The following MFN1 variants were observed in gnomAD, a reference collection of about 807,000 sequenced individuals.
The protein encoded by MFN1 is mitofusin-1.
A neutral mutation model predicts 92.4 loss-of-function variants in MFN1; 65 were observed. The ratio of observed to expected loss-of-function variants is 0.70; its 90% CI spans 0.58 to 0.86. The LOEUF is 0.86. Among genes scored for constraint, MFN1 ranks in the 40% least tolerant of loss-of-function variants. The pLI, the probability that MFN1 is intolerant of heterozygous loss-of-function variation, is 0.00. For synonymous variants in MFN1, 297 were observed against 300.9 expected, an observed-to-expected ratio of 0.99 and a Z score of 0.13; for missense variants, 781 against 868.0, an observed-to-expected ratio of 0.90 and a Z score of 1.26.
At position 179,348,685 on chromosome 3, in the gene MFN1, A is replaced by C. The variant is rs1712017053; in HGVS notation, c.-7-160A>C. 6 of 1,080,630 alleles carry C rather than the reference A, an allele frequency of 5.6e-6. No homozygotes were observed. In the East Asian group the frequency reaches 1.7e-4, roughly 30 times the overall value. The allele number at this position is 1,080,630 out of a possible 1,614,324, so 66.9% of individuals were successfully genotyped here. A position where few individuals can be genotyped will look rare whatever the true frequency, so the allele number is the denominator to read the frequency against. On this transcript the variant is annotated intron_variant, in intron 1 of 17. Transcript: ENST00000471841. ...GAAATATCATTCAAAAGTCGTCTCT[A>C]ACTGTCTGACTAGAACACTCCCAAA...
Position 179,365,225 on chromosome 3 carries a change from C to G in MFN1, c.753C>G (p.Asp251Glu). 6.7e-7 allele frequency: 1 copy of G among 1,501,802 alleles called. No individual in the cohort carries two copies. The highest frequency in any genetic ancestry group is 1.3e-5 in the South Asian group (1 of 75,754). The allele number at this position is 1,501,802 out of a possible 1,614,324, so 93.0% of individuals were successfully genotyped here. A position where few individuals can be genotyped will look rare whatever the true frequency, so the allele number is the denominator to read the frequency against. ...ASASEPEYME[D>E]VRRQHMERCL... ...CATCAGAGCCAGAATATATGGAAGA[C>G]GTAAGTTGTTATTTTTTTTTTTGTA... is the stretch of plus-strand genomic sequence containing the variant. The change falls in exon 7 of 18, where the codon GAC (aspartate) becomes GAG (glutamate). Residue 251 changes from aspartate (D) to glutamate (E), a missense_variant and splice_region_variant. Asp to Glu is a conservative substitution (Grantham distance 45, BLOSUM62 2). Transcript: ENST00000471841.
At chr3:179,368,336 TTTA>T (rs1246655579) in intron 9 of MFN1, among the ~76,000 whole-genome samples, 2 of 152,164 alleles carry the variant, frequency 1.3e-5, no homozygotes, top group Admixed American at 6.5e-5. Context: ...TTTTATGTAT[TTTA>T]TATAAATAAG....
At position 179,362,431 on chromosome 3, in the gene MFN1, G is replaced by A; in HGVS notation, c.485G>A (p.Trp162Ter). 6.2e-7 allele frequency: 1 copy of A among 1,613,672 alleles called. No individual in the cohort carries two copies. The highest frequency in any genetic ancestry group is 8.5e-7 in the Non-Finnish European group (1 of 1,179,922). ...GCTGGCTGTCTTGTACGTGTGTTTT[G>A]GCCAAAAGCAAAATGTGCCCTCTTG... Reference protein sequence around the residue: ...LKAGCLVRVFWPKAKCALLRD... With the variant: ...LKAGCLVRVF Residue 162 changes from tryptophan to a stop codon, truncating the protein, a stop_gained, in exon 5 of 18, where the codon TGG becomes TAG. Coordinates refer to ENST00000471841, the MANE Select transcript of MFN1 (RefSeq NM_033540.3). LOFTEE classifies it high-confidence loss of function.
intron 9 of MFN1, among the ~76,000 whole-genome samples, chr3:179,371,899 A>G (rs974809385): frequency 6.6e-6 from 1 of 151,866 alleles, no homozygotes; most frequent in South Asian, 2.1e-4. Context: ...TGTGTTAGGT[A>G]ACAAGCTTGT....
intron 9 of MFN1, among the ~76,000 whole-genome samples, chr3:179,374,302 A>AAT (rs1713136052): frequency 1.5e-5 from 1 of 68,074 alleles, no homozygotes. Flanking sequence ...GACTGTCAAA[A>AAT]ATATATATAT....
intron 3 of MFN1, among the ~76,000 whole-genome samples, chr3:179,357,989 C>T (rs184325134): frequency 2.6e-5 from 4 of 152,166 alleles, no homozygotes; most frequent in Non-Finnish European, 5.9e-5. Flanking sequence ...CTACTCAGAG[C>T]TCTCCATTTA....
At chr3:179,372,853 G>A (rs1419524276) in intron 9 of MFN1, among the ~76,000 whole-genome samples, 1 of 151,980 alleles carries the variant, frequency 6.6e-6, no homozygotes, top group Non-Finnish European at 1.5e-5. Context: ...TTTTGCAGAA[G>A]TTAATTTGAC....
chr3:179,358,458 C>G (rs1296668165), intron 3 of MFN1, among the ~76,000 whole-genome samples: 1 of 152,124 alleles, frequency 6.6e-6, no homozygotes, highest in Non-Finnish European at 1.5e-5. Context: ...TGGCCACCCA[C>G]TGTCACTTCT....
At position 179,393,756 on chromosome 3, in the gene MFN1, C is replaced by G. The variant is rs765049498; in HGVS notation, c.*1697C>G. 6.6e-6 allele frequency: 1 copy of G among 152,186 alleles called. No homozygotes were observed. Among genetic ancestry groups the G allele is most frequent in the Non-Finnish European group, 1.5e-5 (1 of 68,042 alleles). The allele number at this position is 152,186 out of a possible 1,614,324, so 9.4% of individuals were successfully genotyped here. On this transcript the variant is annotated 3_prime_UTR_variant, in exon 18 of 18. Transcript: ENST00000471841. Reference sequence around the variant, plus strand: ...AGGTTACAAAACTCAAGGCTGTAACCTTTATATGAAAGTACTTAAGCTTGA... The same window carrying G: ...AGGTTACAAAACTCAAGGCTGTAACGTTTATATGAAAGTACTTAAGCTTGA...
At chr3:179,348,822 T>A in intron 1 of MFN1, 23 bp from the exon 2 acceptor site, 1 of 1,605,184 alleles carries the variant, frequency 6.2e-7, no homozygotes, top group Non-Finnish European at 8.5e-7. Context: ...AGTTGGTGCT[T>A]TTCTAACTTT....
intron 9 of MFN1, among the ~76,000 whole-genome samples, chr3:179,371,057 A>G (rs1019966834): frequency 6.6e-6 from 1 of 152,164 alleles, no homozygotes; most frequent in African/African-American, 2.4e-5. Context: ...TTTTGTGAAA[A>G]GAAAAACTGT....
chr3:179,387,274 G>C (rs1454609364), intron 16 of MFN1, among the ~76,000 whole-genome samples: 2 of 152,112 alleles, frequency 1.3e-5, no homozygotes, highest in South Asian at 4.1e-4. Context: ...GGCTGGGCAA[G>C]GTGGCTCACG....
rs541597611 is a variant in MFN1, at chr3:179,378,468, T to C, written c.1432+25T>C. The C allele has an allele frequency of 2.0e-4, 307 of 1,565,146 alleles. 3 individuals carry two copies. The South Asian group carries it at 3.5e-3, about 18-fold the overall frequency. On this transcript the variant is annotated intron_variant, in intron 13 of 17. Transcript: ENST00000471841. Reference sequence around the variant, plus strand: ...GGTAATATTTATGTCTACAAGGTCATGTCTGGTTTGTTTTTTCATTCATGA... The same window carrying C: ...GGTAATATTTATGTCTACAAGGTCACGTCTGGTTTGTTTTTTCATTCATGA...
rs781188074 is a variant in MFN1 at position 179,377,150 on chromosome 3, C to G, written c.1206C>G (p.Thr402=). The G allele has an allele frequency of 3.7e-5, 59 of 1,613,138 alleles. No individual in the cohort carries two copies. The highest frequency in any genetic ancestry group is 4.7e-5 in the Non-Finnish European group (56 of 1,179,728). ...TTAAGAAAAAAATCAAGGAGGTTAC[C>G]GAGGAGGTGGCAAACAAAGTGGGTA... ...LDVKKKIKEV[T]EEVANKVSCA... is the part of the protein sequence containing the mutation. The change falls in exon 11 of 18, where the codon ACC becomes ACG. Residue 402 remains threonine (T), a synonymous_variant. Transcript: ENST00000471841.
intron 10 of MFN1, among the ~76,000 whole-genome samples, chr3:179,376,253 T>G (rs1713236016): frequency 6.6e-6 from 1 of 152,220 alleles, no homozygotes; most frequent in Non-Finnish European, 1.5e-5. Context: ...TCAGCCCCTG[T>G]GTACAGCCTC....
intron 5 of MFN1, 62 bp downstream of exon 5, chr3:179,362,544 C>A: frequency 7.0e-7 from 1 of 1,430,338 alleles, no homozygotes. Flanking sequence ...ATACTGCTTA[C>A]TTTAGCATAT....
At chr3:179,362,504 A>C in intron 5 of MFN1, 22 bp downstream of exon 5, 1 of 1,606,478 alleles carries the variant, frequency 6.2e-7, no homozygotes, top group Non-Finnish European at 8.5e-7. Flanking sequence ...TGTGGATTGC[A>C]TTTTCTCTGG....
chr3:179,382,423 A>G (rs1248851626), intron 14 of MFN1, among the ~76,000 whole-genome samples: 1 of 152,196 alleles, frequency 6.6e-6, no homozygotes, highest in Non-Finnish European at 1.5e-5. Flanking sequence ...ATGGCTGCAT[A>G]GTATTCCATG....
At chr3:179,384,001 C>T (rs189234464) in intron 14 of MFN1, among the ~76,000 whole-genome samples, 86 of 152,308 alleles carry the variant, frequency 5.6e-4, no homozygotes, top group African/African-American at 2.0e-3. Flanking sequence ...CACCTCCAGC[C>T]TCACCACTAA....
Sources: gnomAD v4.1 joint callset for allele counts (sites outside exome capture counted in the v4.1 genomes callset) on GRCh38, gnomAD v4.1.1 for gene constraint, MANE v1.5 for transcripts, NCBI Gene and HGNC (gene_info 2026-07-23, HGNC 2026-07-21) for gene names.